LAMA2: variants seen among roughly 807,000 people sequenced by gnomAD.
LAMA2 encodes the protein laminin subunit alpha 2.
A neutral mutation model predicts 364.8 loss-of-function variants in LAMA2; 269 were observed. That is an observed-to-expected ratio of 0.74 (90% CI 0.67 to 0.82). The LOEUF (loss-of-function observed/expected upper bound fraction) is 0.82, where lower values mean the gene tolerates loss of function less well. Among genes scored for constraint, LAMA2 ranks in the 40% least tolerant of loss-of-function variants. The probability of loss-of-function intolerance (pLI) is 0.00; values close to 1 mark genes in which losing one functional copy is unlikely to be tolerated. For missense variants in LAMA2, 3,807 were observed against 3,873.2 expected (o/e 0.98, Z 0.45); for synonymous variants, 1,379 against 1,370.6 (o/e 1.01, Z -0.14).
chr6:129,289,572 C>T (rs1398285686), intron 19 of LAMA2, among the ~76,000 whole-genome samples: 1 of 152,012 alleles, frequency 6.6e-6, no homozygotes, highest in African/African-American at 2.4e-5. Flanking sequence ...TCCAATAACC[C>T]CCACCCCCAT....
At chr6:129,137,495 C>A (rs979147765) in intron 4 of LAMA2, among the ~76,000 whole-genome samples, 1 of 151,802 alleles carries the variant, frequency 6.6e-6, no homozygotes, top group Non-Finnish European at 1.5e-5. Flanking sequence ...TTTACCTAAA[C>A]GTATGAAGAT....
At chr6:129,502,942 T>C (rs992676529) in intron 59 of LAMA2, 149 bp from the exon 60 acceptor site, 22 of 907,014 alleles carry the variant, frequency 2.4e-5, no homozygotes, top group Non-Finnish European at 3.7e-5. Flanking sequence ...AGGAGCCCAA[T>C]TTAGGAAATC....
intron 1 of LAMA2, among the ~76,000 whole-genome samples, chr6:128,967,434 G>C (rs1231866880): frequency 6.6e-6 from 1 of 152,006 alleles, no homozygotes; most frequent in Non-Finnish European, 1.5e-5. Flanking sequence ...TGTTAGATTG[G>C]CCTCATGAGC....
In LAMA2 at chr6:129,299,253, C is replaced by A. The variant is rs185803103; in HGVS notation, c.3037+1388C>A. Among the ~76,000 whole-genome samples the A allele has an allele frequency of 2.6e-4, 40 of 152,054 alleles. No individual in the cohort carries two copies. In the East Asian group the frequency reaches 6.8e-3, roughly 26 times the overall value. ...CTCCTTCAGTAACTAGTTCTGGGAC[C>A]TTGACTGAGTAATTTTGTTTCATTT... On this transcript the variant is annotated intron_variant, in intron 21 of 64. Coordinates refer to ENST00000421865, the MANE Select transcript of LAMA2 (RefSeq NM_000426.4).
chr6:129,080,060 C>G (rs1773940750), intron 3 of LAMA2, among the ~76,000 whole-genome samples: 1 of 152,050 alleles, frequency 6.6e-6, no homozygotes, highest in Admixed American at 6.6e-5. Flanking sequence ...TTACAATAGA[C>G]ACATTTTTAT....
chr6:129,512,245 C>T, intron 62 of LAMA2, 118 bp from the exon 63 acceptor site: 1 of 964,106 alleles, frequency 1.0e-6, no homozygotes. Context: ...ACTTATAGCC[C>T]TCATTAGAAT....
At chr6:128,985,365 G>T (rs1582824054) in intron 1 of LAMA2, among the ~76,000 whole-genome samples, 1 of 152,108 alleles carries the variant, frequency 6.6e-6, no homozygotes, top group Non-Finnish European at 1.5e-5. Context: ...GTTGGGGCAG[G>T]AGTAGACATT....
intron 44 of LAMA2, among the ~76,000 whole-genome samples, chr6:129,444,412 G>T (rs80285888): frequency 6.6e-6 from 1 of 152,026 alleles, no homozygotes; most frequent in East Asian, 1.9e-4. Flanking sequence ...ATGAACAAAC[G>T]GTTTATTAAA....
intron 1 of LAMA2, among the ~76,000 whole-genome samples, chr6:128,982,546 T>A (rs1160269203): frequency 6.6e-6 from 1 of 152,176 alleles, no homozygotes; most frequent in Non-Finnish European, 1.5e-5. Context: ...AAATTGTATA[T>A]CACTGTTGTT....
intron 8 of LAMA2, chr6:129,157,756 G>A: frequency 1.2e-6 from 2 of 1,612,352 alleles, no homozygotes; most frequent in Non-Finnish European, 1.7e-6. Flanking sequence ...TTATAATATG[G>A]CAATTGGTAG....
intron 12 of LAMA2, among the ~76,000 whole-genome samples, chr6:129,201,510 T>C (rs973744078): frequency 1.3e-5 from 2 of 152,214 alleles, no homozygotes; most frequent in Admixed American, 6.5e-5. Context: ...AATAGTTTAT[T>C]TTCCTAACAC....
chr6:128,938,094 T>C (rs1779940236), intron 1 of LAMA2, among the ~76,000 whole-genome samples: 1 of 152,088 alleles, frequency 6.6e-6, no homozygotes. Flanking sequence ...GGATTAATAT[T>C]TCTGACTTTT....
At chr6:129,237,714 T>A (rs371627972) in intron 12 of LAMA2, among the ~76,000 whole-genome samples, 1 of 152,148 alleles carries the variant, frequency 6.6e-6, no homozygotes, top group African/African-American at 2.4e-5. Flanking sequence ...AAAGTATATA[T>A]GCATTTATAA....
At chr6:128,913,754 A>C (rs1778129790) in intron 1 of LAMA2, among the ~76,000 whole-genome samples, 1 of 152,208 alleles carries the variant, frequency 6.6e-6, no homozygotes, top group Non-Finnish European at 1.5e-5. Flanking sequence ...AGGCATAATC[A>C]TATTTTTATG....
intron 40 of LAMA2, among the ~76,000 whole-genome samples, chr6:129,408,473 A>G (rs1382410038): frequency 6.6e-6 from 1 of 152,208 alleles, no homozygotes; most frequent in Non-Finnish European, 1.5e-5. Context: ...GTGGAATACC[A>G]TGACAGCGAA....
intron 40 of LAMA2, among the ~76,000 whole-genome samples, chr6:129,418,250 C>A (rs1023318578): frequency 6.6e-6 from 1 of 151,994 alleles, no homozygotes. Flanking sequence ...ACAATAGATC[C>A]CCTCTCCCCA....
intron 1 of LAMA2, among the ~76,000 whole-genome samples, chr6:128,913,989 A>G (rs1168507267): frequency 1.3e-5 from 2 of 152,194 alleles, no homozygotes; most frequent in South Asian, 2.1e-4. Context: ...CAAAAATTAG[A>G]AAAATAAAAA....
chr6:128,939,052 G>A (rs988661220), intron 1 of LAMA2, among the ~76,000 whole-genome samples: 1 of 152,062 alleles, frequency 6.6e-6, no homozygotes, highest in Non-Finnish European at 1.5e-5. Flanking sequence ...TAAGTCCAGA[G>A]TGAATTTCCA....
chr6:129,244,489 T>C (rs1356567928), intron 12 of LAMA2, among the ~76,000 whole-genome samples: 5 of 152,118 alleles, frequency 3.3e-5, no homozygotes, highest in African/African-American at 1.2e-4. Flanking sequence ...CTCAGTATTA[T>C]AAAGCCTTTT....
Sources: allele counts gnomAD v4.1 joint callset (sites outside exome capture counted in the v4.1 genomes callset), GRCh38; gene constraint gnomAD v4.1.1; transcripts MANE v1.5; gene names NCBI Gene and HGNC (gene_info 2026-07-23, HGNC 2026-07-21).